GPATCH2: variants seen among roughly 807,000 people sequenced by gnomAD.
GPATCH2 encodes G-patch domain containing 2, also known as G patch domain-containing protein 2.
In GPATCH2, 51 loss-of-function variants were observed where a neutral mutation model predicts 58.0. That is an observed-to-expected ratio of 0.88 (90% CI 0.70 to 1.11). GPATCH2 has a LOEUF of 1.11. Among genes scored for constraint, GPATCH2 ranks in the 50% most tolerant of loss-of-function variants. GPATCH2 has a pLI of 0.00. For synonymous variants in GPATCH2, 222 were observed against 218.5 expected, an observed-to-expected ratio of 1.02 and a Z score of -0.14; for missense variants, 625 against 652.2, an observed-to-expected ratio of 0.96 and a Z score of 0.45.
At chr1:217,514,745 T>A in intron 6 of GPATCH2, 77 bp downstream of exon 6, 3 of 662,848 alleles carry the variant, frequency 4.5e-6, no homozygotes, top group Non-Finnish European at 8.4e-6. Flanking sequence ...TAAGCTTTAC[T>A]AGTAGTAGCT....
At chr1:217,449,541 C>T (rs1009974024) in intron 8 of GPATCH2, among the ~76,000 whole-genome samples, 1 of 152,160 alleles carries the variant, frequency 6.6e-6, no homozygotes, top group Non-Finnish European at 1.5e-5. Context: ...TAAATTGTTA[C>T]TGGAATGAAT....
intron 9 of GPATCH2, among the ~76,000 whole-genome samples, chr1:217,435,300 T>A (rs960015558): frequency 8.5e-5 from 13 of 152,336 alleles, no homozygotes; most frequent in Non-Finnish European, 1.6e-4. Context: ...GGATCTCTCA[T>A]ATCTATTACA....
At chr1:217,590,647 C>G (rs563282691) in intron 5 of GPATCH2, among the ~76,000 whole-genome samples, 39 of 152,194 alleles carry the variant, frequency 2.6e-4, no homozygotes, top group Admixed American at 2.4e-3. Flanking sequence ...TATATTCGAC[C>G]AGGGAATGCA....
Position 217,618,720 on chromosome 1 carries a change from G to A in GPATCH2, c.773+1063C>T, listed in dbSNP as rs142193790. Among the ~76,000 whole-genome samples, 590 of 152,216 alleles carry A rather than the reference G, an allele frequency of 3.9e-3. 2 individuals are homozygous for A. The highest frequency in any genetic ancestry group is 5.7e-3 in the Non-Finnish European group (387 of 68,008). ...TGATTAAAATGATCCCAGCCCTTGG[G>A]AGGCCAAGGTGGGTGGATCACTTGA... On this transcript the variant is annotated intron_variant, in intron 2 of 9. Coordinates refer to ENST00000366935, the MANE Select transcript of GPATCH2 (RefSeq NM_018040.5).
chr1:217,472,193 A>G (rs1160183188), intron 8 of GPATCH2, among the ~76,000 whole-genome samples: 1 of 152,224 alleles, frequency 6.6e-6, no homozygotes, highest in Non-Finnish European at 1.5e-5. Flanking sequence ...TTACAGCAAT[A>G]AAGACTAATC....
rs1424311569 is a variant in GPATCH2, at chr1:217,557,081, G to T, written c.1099-42192C>A. Among the ~76,000 whole-genome samples the T allele has an allele frequency of 4.6e-5, 7 of 152,024 alleles. No homozygotes were observed. In the South Asian group the frequency reaches 8.3e-4, roughly 18 times the overall value. Reference sequence around the variant, plus strand: ...ACTCCCAGTCTGTGGCTCGGTATGTGTGTGCTGTTTCTCTCTCTTTACATC... The same window carrying T: ...ACTCCCAGTCTGTGGCTCGGTATGTTTGTGCTGTTTCTCTCTCTTTACATC... On this transcript the variant is annotated intron_variant, in intron 5 of 9. Coordinates refer to ENST00000366935, the MANE Select transcript of GPATCH2 (RefSeq NM_018040.5).
At chr1:217,450,384 A>C (rs1243185162) in intron 8 of GPATCH2, among the ~76,000 whole-genome samples, 2 of 152,134 alleles carry the variant, frequency 1.3e-5, no homozygotes, top group African/African-American at 4.8e-5. Context: ...TAAAATTCAA[A>C]ATTCAAGGTA....
chr1:217,566,271 A>AGAAAAAAG (rs1377374541), intron 5 of GPATCH2, among the ~76,000 whole-genome samples: 1 of 152,182 alleles, frequency 6.6e-6, no homozygotes, highest in Non-Finnish European at 1.5e-5. Context: ...ATTCAAATAC[A>AGAAAAAAG]GAAAAAAGAT....
chr1:217,452,565 T>C (rs1276113025), intron 8 of GPATCH2, among the ~76,000 whole-genome samples: 1 of 152,192 alleles, frequency 6.6e-6, no homozygotes, highest in African/African-American at 2.4e-5. Context: ...CAAGTCAATA[T>C]TGCCTTTATA....
intron 5 of GPATCH2, among the ~76,000 whole-genome samples, chr1:217,536,312 G>T (rs1036506335): frequency 1.1e-4 from 17 of 152,070 alleles, no homozygotes; most frequent in Non-Finnish European, 1.8e-4. Context: ...TTTCTGTAAG[G>T]ATTAAAAAGA....
rs1189036840 is a variant in GPATCH2 at position 217,427,521 on chromosome 1, TATAA to T, written c.*3620_*3623del. On this transcript the variant is annotated 3_prime_UTR_variant, in exon 10 of 10. Transcript: ENST00000366935. ...TTAAAGCACAAAGACAATGACTACT[TATAA>T]ATAATGTTCTTAAACATTATGTTTT... 6.6e-6 allele frequency: 1 copy of T among 152,140 alleles called. No individual in the cohort carries two copies. Among genetic ancestry groups the T allele is most frequent in the African/African-American group, 2.4e-5 (1 of 41,436 alleles). 9.4% of individuals were successfully genotyped at this position (152,140 alleles called of 1,614,324 possible).
Position 217,612,166 on chromosome 1 carries a change from G to A in GPATCH2, c.836-1095C>T, listed in dbSNP as rs563874257. Among the ~76,000 whole-genome samples the A allele has an allele frequency of 2.0e-5, 3 of 152,024 alleles. No homozygotes were observed. In the East Asian group the frequency reaches 5.8e-4, roughly 29 times the overall value. ...CCAGCCCTCCAGCCTGGACCACAGG[G>A]CGAGACCTTGTGTTAAAAAAAAAAG... On this transcript the variant is annotated intron_variant, in intron 3 of 9. Coordinates refer to ENST00000366935, the MANE Select transcript of GPATCH2 (RefSeq NM_018040.5).
rs1363577630 is a variant in GPATCH2, at chr1:217,610,381, A to C, written c.1038T>G (p.Ser346Arg). 6.2e-7 allele frequency: 1 copy of C among 1,602,942 alleles called. No homozygotes were observed. Among genetic ancestry groups the C allele is most frequent in the East Asian group, 2.2e-5 (1 of 44,800 alleles). Residue 346 changes from serine (S) to arginine (R), a missense_variant, in exon 5 of 10, where the codon AGT (serine) becomes AGG (arginine). Coordinates refer to ENST00000366935, the MANE Select transcript of GPATCH2 (RefSeq NM_018040.5). ...TCTTTGAAGACATTCCATGAAGGCG[A>C]CTGAGTCTAGCTTGGAAACCTGTAA... ...PSRRGFQARL[S>R]RLHGMSSKNI...
At chr1:217,560,968 G>T (rs1452521070) in intron 5 of GPATCH2, among the ~76,000 whole-genome samples, 1 of 152,204 alleles carries the variant, frequency 6.6e-6, no homozygotes, top group Non-Finnish European at 1.5e-5. Flanking sequence ...GGGTAGGGAA[G>T]AAGGATGCTC....
intron 6 of GPATCH2, among the ~76,000 whole-genome samples, chr1:217,511,113 TAAATA>T (rs1314265308): frequency 1.3e-5 from 2 of 151,546 alleles, no homozygotes; most frequent in East Asian, 1.9e-4. Context: ...AAAAATAAAA[TAAATA>T]AAATAAAATA....
At position 217,538,061 on chromosome 1, in the gene GPATCH2, G is replaced by A. The variant is rs145939338; in HGVS notation, c.1099-23172C>T. Among the ~76,000 whole-genome samples, 16 of 152,120 alleles carry A rather than the reference G, an allele frequency of 1.1e-4. No homozygotes were observed. In the East Asian group the frequency reaches 3.1e-3, roughly 29 times the overall value. On this transcript the variant is annotated intron_variant, in intron 5 of 9. Coordinates refer to ENST00000366935, the MANE Select transcript of GPATCH2 (RefSeq NM_018040.5). ...CTACCTTTCCATCAAAAAACAAATTGATTCTAACTTAGATAGATTCCTGTA... is the reference window on the plus strand; with the variant it reads ...CTACCTTTCCATCAAAAAACAAATTAATTCTAACTTAGATAGATTCCTGTA...
intron 5 of GPATCH2, among the ~76,000 whole-genome samples, chr1:217,592,927 C>A (rs1366620172): frequency 6.6e-6 from 1 of 151,854 alleles, no homozygotes; most frequent in African/African-American, 2.4e-5. Context: ...GTATTTCAGC[C>A]CACCCCTGAC....
Position 217,493,211 on chromosome 1 carries a change from T to C in GPATCH2, c.1207-1461A>G, listed in dbSNP as rs553142725. ...TCTACTCTCCACACTGCAGACACTA[T>C]GAGCTTTCTAAAATTAATCTAATTA... On this transcript the variant is annotated intron_variant, in intron 7 of 9. Transcript: ENST00000366935. Among the ~76,000 whole-genome samples, 13 of 152,290 alleles carry C rather than the reference T, an allele frequency of 8.5e-5. No homozygotes were observed. The East Asian group carries it at 1.9e-3, about 23-fold the overall frequency.
chr1:217,505,979 C>T (rs1008965540), intron 6 of GPATCH2, among the ~76,000 whole-genome samples: 25 of 152,144 alleles, frequency 1.6e-4, no homozygotes, highest in African/African-American at 2.7e-4. Context: ...TGTGCCACCA[C>T]GCCAGCTAAT....
Sources: allele counts gnomAD v4.1 joint callset (sites outside exome capture counted in the v4.1 genomes callset), GRCh38; gene constraint gnomAD v4.1.1; transcripts MANE v1.5; gene names NCBI Gene and HGNC (gene_info 2026-07-23, HGNC 2026-07-21).